MAPK8: variants seen among roughly 807,000 people sequenced by gnomAD.
MAPK8 encodes the protein mitogen-activated protein kinase 8, also known as JUN N-terminal kinase.
A neutral mutation model predicts 52.9 loss-of-function variants in MAPK8; 13 were observed. The observed-to-expected ratio is 0.25, with a 90% CI of 0.16 to 0.39. The LOEUF is 0.39. Among genes scored for constraint, MAPK8 ranks in the 10% least tolerant of loss-of-function variants. The pLI is 1.00. For missense variants in MAPK8, 300 were observed against 519.2 expected (o/e 0.58, Z 4.10); for synonymous variants, 191 against 169.8 (o/e 1.12, Z -0.97).
rs2045023450 is a variant in MAPK8 at position 48,438,315 on chromosome 10, T to A, written c.*3286T>A. 6.6e-6 allele frequency: 1 copy of A among 152,164 alleles called. No homozygotes were observed. The highest frequency in any genetic ancestry group is 1.9e-4 in the East Asian group (1 of 5,196). 9.4% of individuals were successfully genotyped at this position (152,164 alleles called of 1,614,324 possible). On this transcript the variant is annotated 3_prime_UTR_variant, in exon 12 of 12. Transcript: ENST00000374189. ...GTGTTTCTACTGATCTCTCTTAGGTTTTTACGGAATCAAAGGAAACTAATT... is the reference window on the plus strand; with the variant it reads ...GTGTTTCTACTGATCTCTCTTAGGTATTTACGGAATCAAAGGAAACTAATT...
At chr10:48,379,938 TAAAAAAA>T (rs373050540) in intron 1 of MAPK8, among the ~76,000 whole-genome samples, 1 of 115,916 alleles carries the variant, frequency 8.6e-6, no homozygotes. Context: ...ACAAAGCTCT[TAAAAAAA>T]AAAAAAAAAA....
chr10:48,363,948 T>G (rs570239775), intron 1 of MAPK8, among the ~76,000 whole-genome samples: 1 of 152,302 alleles, frequency 6.6e-6, no homozygotes, highest in African/African-American at 2.4e-5. Context: ...GAAGATTTTG[T>G]TTTTTGCTTT....
intron 1 of MAPK8, among the ~76,000 whole-genome samples, chr10:48,365,008 G>A (rs377079207): frequency 1.3e-5 from 2 of 152,084 alleles, no homozygotes; most frequent in Non-Finnish European, 2.9e-5. Flanking sequence ...TATTTCATCA[G>A]TTTGAAAATA....
At chr10:48,410,366 T>C (rs2042683280) in intron 5 of MAPK8, 198 bp downstream of exon 5, 1 of 402,536 alleles carries the variant, frequency 2.5e-6, no homozygotes, top group Non-Finnish European at 4.3e-6. Context: ...ATCTTTGCCC[T>C]GGCATGATAC....
At chr10:48,326,833 C>G (rs1044867665) in intron 1 of MAPK8, among the ~76,000 whole-genome samples, 3 of 152,164 alleles carry the variant, frequency 2.0e-5, no homozygotes, top group Admixed American at 2.0e-4. Flanking sequence ...CCTCCCAGCA[C>G]ACACCATTTA....
chr10:48,352,299 G>A (rs1172065772), intron 1 of MAPK8, among the ~76,000 whole-genome samples: 3 of 151,024 alleles, frequency 2.0e-5, no homozygotes, highest in Non-Finnish European at 4.4e-5. Context: ...GCTACCAAAA[G>A]CAAAGACAAT....
intron 1 of MAPK8, among the ~76,000 whole-genome samples, chr10:48,328,675 A>G (rs1474957951): frequency 6.6e-6 from 1 of 152,230 alleles, no homozygotes; most frequent in African/African-American, 2.4e-5. Context: ...GGTAGTCAAC[A>G]AGAGCAACTG....
intron 1 of MAPK8, among the ~76,000 whole-genome samples, chr10:48,316,359 G>T (rs1330190831): frequency 6.6e-6 from 1 of 152,206 alleles, no homozygotes; most frequent in Non-Finnish European, 1.5e-5. Flanking sequence ...GCTTAGGTAT[G>T]TTGTACTATC....
At position 48,313,294 on chromosome 10, in the gene MAPK8, G is replaced by A. The variant is rs374437670; in HGVS notation, c.-50+6473G>A. Among the ~76,000 whole-genome samples, 225 of 152,210 alleles carry A rather than the reference G, an allele frequency of 1.5e-3. 1 individual carries two copies. Among genetic ancestry groups the A allele is most frequent in the African/African-American group, 5.3e-3 (220 of 41,534 alleles). ...CTAAAAATACAAAAATTAGCTGGGC[G>A]TGGTAGCGTACGCCTGTAATCCCAG... On this transcript the variant is annotated intron_variant, in intron 1 of 11. Transcript: ENST00000374189.
At chr10:48,392,414 A>G (rs992379379) in intron 1 of MAPK8, among the ~76,000 whole-genome samples, 1 of 151,986 alleles carries the variant, frequency 6.6e-6, no homozygotes, top group African/African-American at 2.4e-5. Flanking sequence ...AAACCTATAT[A>G]TATGTTCCCT....
At position 48,427,640 on chromosome 10, in the gene MAPK8, T is replaced by C. The variant is rs1440558605; in HGVS notation, c.1060+497T>C. ...CTGAGTAGCTGGGACTACAGGCGCC[T>C]GCCATCACACCCGGCTAATTTTTTT... On this transcript the variant is annotated intron_variant, in intron 10 of 11. Transcript: ENST00000374189. Among the ~76,000 whole-genome samples the C allele has an allele frequency of 4.6e-5, 7 of 152,246 alleles. No individual in the cohort carries two copies. In the South Asian group the frequency reaches 1.2e-3, roughly 27 times the overall value.
chr10:48,406,519 A>G (rs1458075489), intron 3 of MAPK8, among the ~76,000 whole-genome samples: 1 of 152,224 alleles, frequency 6.6e-6, no homozygotes. Flanking sequence ...GCAGAGGTTT[A>G]TCCAGGCAGA....
intron 1 of MAPK8, among the ~76,000 whole-genome samples, chr10:48,349,535 A>G (rs189658238): frequency 6.6e-6 from 1 of 152,356 alleles, no homozygotes; most frequent in African/African-American, 2.4e-5. Context: ...GTAAATAATG[A>G]AATTAAGGCA....
intron 11 of MAPK8, among the ~76,000 whole-genome samples, chr10:48,431,768 CTTTTT>C (rs757491141): frequency 3.9e-5 from 6 of 151,926 alleles, no homozygotes; most frequent in Non-Finnish European, 5.9e-5. Context: ...GGAGTTAAAA[CTTTTT>C]TTTATCATAA....
intron 6 of MAPK8, among the ~76,000 whole-genome samples, chr10:48,422,048 T>TA: frequency 6.8e-6 from 1 of 147,526 alleles, no homozygotes; most frequent in African/African-American, 2.5e-5. Flanking sequence ...TTTATTTATT[T>TA]TTGAGATGGA....
intron 1 of MAPK8, among the ~76,000 whole-genome samples, chr10:48,335,939 T>C (rs1392474928): frequency 6.6e-6 from 1 of 152,230 alleles, no homozygotes. Context: ...TGCCCATTTA[T>C]AAGTTTGAAA....
intron 3 of MAPK8, among the ~76,000 whole-genome samples, chr10:48,407,562 A>G (rs181436425): frequency 6.6e-6 from 1 of 152,266 alleles, no homozygotes; most frequent in African/African-American, 2.4e-5. Context: ...CCCTTTTTGA[A>G]AAATGGGACA....
At chr10:48,345,865 G>GA (rs1845721052) in intron 1 of MAPK8, among the ~76,000 whole-genome samples, 1 of 152,184 alleles carries the variant, frequency 6.6e-6, no homozygotes, top group Non-Finnish European at 1.5e-5. Flanking sequence ...TGGGGACCAG[G>GA]AAAAGGGTAG....
intron 1 of MAPK8, among the ~76,000 whole-genome samples, chr10:48,394,012 C>T (rs2041763246): frequency 6.6e-6 from 1 of 151,840 alleles, no homozygotes. Flanking sequence ...ATTCTATAGA[C>T]ATTAAATTGG....
Sources: gnomAD v4.1 joint callset for allele counts (sites outside exome capture counted in the v4.1 genomes callset) on GRCh38, gnomAD v4.1.1 for gene constraint, MANE v1.5 for transcripts, NCBI Gene and HGNC (gene_info 2026-07-23, HGNC 2026-07-21) for gene names.